Variants in KCNQ1 observed in about 807,000 individuals in gnomAD.
The protein encoded by KCNQ1 is potassium voltage-gated channel subfamily KQT member 1.
Under a neutral mutation model 72.4 loss-of-function variants are expected in KCNQ1, and 49 were observed. That is an observed-to-expected ratio of 0.68 (90% confidence interval 0.54 to 0.86). KCNQ1 has a LOEUF of 0.86. Among genes scored for constraint, KCNQ1 ranks in the 40% least tolerant of loss-of-function variants. KCNQ1 has a pLI of 0.00. For synonymous variants in KCNQ1, 450 were observed against 412.6 expected (o/e 1.09, Z -1.10); for missense variants, 790 against 945.1 (o/e 0.84, Z 2.15).
At chr11:2,631,127 G>T (rs1849345845) in intron 10 of KCNQ1, 1 of 398,418 alleles carries the variant, frequency 2.5e-6, no homozygotes, top group Non-Finnish European at 4.4e-6. Context: ...AATCTGGGAA[G>T]AGCCCCAGAT....
rs1198366230 is a variant in KCNQ1 at position 2,559,647 on chromosome 11, TC to T, written c.478-10979del. 6.6e-6 allele frequency among the ~76,000 whole-genome samples: 1 copy of T among 152,078 alleles called. No homozygotes were observed. The highest frequency in any genetic ancestry group is 2.4e-5 in the African/African-American group (1 of 41,424). On this transcript the variant is annotated intron_variant, in intron 2 of 15. Transcript: ENST00000155840. This position sits in a 1 kb window ranked among gnomAD's most constrained non-coding sequence, Gnocchi z 4.9. ...TCTCGCTCACCAGGAAGAAGACACG[TC>T]CGGGCAGCTGGCAGGTGGGGCTAGT...
chr11:2,497,467 T>C lies in KCNQ1; in HGVS notation c.387-30461T>C, dbSNP rs1011821907. 6.6e-6 allele frequency among the ~76,000 whole-genome samples: 1 copy of C among 152,188 alleles called. No individual in the cohort carries two copies. Among genetic ancestry groups the C allele is most frequent in the African/African-American group, 2.4e-5 (1 of 41,456 alleles). On this transcript the variant is annotated intron_variant, in intron 1 of 15. Transcript: ENST00000155840. The surrounding 1 kb of genome is among the most constrained non-coding windows in gnomAD (Gnocchi z 4.5). ...TCCACTTGATTCATTTGGCTATTGATACTTGTGTATGCATCACAAAGTTCT... is the reference window on the plus strand; with the variant it reads ...TCCACTTGATTCATTTGGCTATTGACACTTGTGTATGCATCACAAAGTTCT...
Position 2,660,188 on chromosome 11 carries a change from AT to A in KCNQ1, c.1394-1765del, listed in dbSNP as rs374329936. ...TTTATGGTTTTATGTTTTATTTTAG[AT>A]TTTTTTTCAGTAAGTTTGTATGTAG... On this transcript the variant is annotated intron_variant, in intron 10 of 15. Coordinates refer to ENST00000155840, the MANE Select transcript of KCNQ1 (RefSeq NM_000218.3). 9.4e-3 allele frequency: 3,724 copies of A among 397,598 alleles called. 128 individuals carry two copies. The highest frequency in any genetic ancestry group is 0.069 in the African/African-American group (3,348 of 48,452). The allele number at this position is 397,598 out of a possible 1,614,324, so 24.6% of individuals were successfully genotyped here.
rs1313323707 is a variant in KCNQ1, at chr11:2,746,415, C to CT, written c.1515-22423dup. ...CAGATTTCCTCAGTTTCCCTACTGT[C>CT]TTTTTTCTCTCCCCGGGCCCCACCC... is the stretch of plus-strand genomic sequence containing the variant. On this transcript the variant is annotated intron_variant, in intron 11 of 15. Transcript: ENST00000155840. The surrounding 1 kb of genome is among the most constrained non-coding windows in gnomAD (Gnocchi z 5.9). Among the ~76,000 whole-genome samples, 3 of 152,162 alleles carry CT rather than the reference C, an allele frequency of 2.0e-5. No homozygotes were observed. The highest frequency in any genetic ancestry group is 4.4e-5 in the Non-Finnish European group (3 of 68,028).
At chr11:2,792,033 G>T (rs1312020487) in intron 15 of KCNQ1, among the ~76,000 whole-genome samples, 1 of 152,114 alleles carries the variant, frequency 6.6e-6, no homozygotes, top group Non-Finnish European at 1.5e-5. Flanking sequence ...TGGGCTGTTT[G>T]GGTTGGCAAC....
chr11:2,759,480 C>T lies in KCNQ1; in HGVS notation c.1515-9364C>T, dbSNP rs993413921. ...GGCGCTGTGGCCACTTAGAGGGTCC[C>T]CCAAGCTCGGGCCTTTGAAGACAGC... is the stretch of plus-strand genomic sequence containing the variant. On this transcript the variant is annotated intron_variant, in intron 11 of 15. Coordinates refer to ENST00000155840, the MANE Select transcript of KCNQ1 (RefSeq NM_000218.3). This position sits in a 1 kb window ranked among gnomAD's most constrained non-coding sequence, Gnocchi z 4.4. 6.6e-6 allele frequency among the ~76,000 whole-genome samples: 1 copy of T among 152,212 alleles called. No homozygotes were observed. Among genetic ancestry groups the T allele is most frequent in the African/African-American group, 2.4e-5 (1 of 41,458 alleles).
Position 2,653,022 on chromosome 11 carries a change from C to A in KCNQ1, c.1394-8939C>A, listed in dbSNP as rs1029991140. The stretch of plus-strand genomic sequence containing the variant: ...GCTTGAGGCAAATCTATTCTGCACA[C>A]CTTTGATCCAATGTGAGATCCAACA... On this transcript the variant is annotated intron_variant, in intron 10 of 15. Coordinates refer to ENST00000155840, the MANE Select transcript of KCNQ1 (RefSeq NM_000218.3). This position sits in a 1 kb window ranked among gnomAD's most constrained non-coding sequence, Gnocchi z 5.3. 4 of 398,544 alleles carry A rather than the reference C, an allele frequency of 1.0e-5. No individual in the cohort carries two copies. The highest frequency in any genetic ancestry group is 4.4e-5 in the Admixed American group (1 of 22,720). 24.7% of individuals were successfully genotyped at this position (398,544 alleles called of 1,614,324 possible).
Position 2,826,425 on chromosome 11 carries a change from C to T in KCNQ1, c.1795-21342C>T, listed in dbSNP as rs560014658. The stretch of plus-strand genomic sequence containing the variant: ...AGGCCCAGCAGCCGCCTCTTGGCAG[C>T]GCTGATGGAAACCGCCGTGCGGTTC... On this transcript the variant is annotated intron_variant, in intron 15 of 15. Coordinates refer to ENST00000155840, the MANE Select transcript of KCNQ1 (RefSeq NM_000218.3). The surrounding 1 kb of genome is among the most constrained non-coding windows in gnomAD (Gnocchi z 4.2). Among the ~76,000 whole-genome samples, 148 of 152,354 alleles carry T rather than the reference C, an allele frequency of 9.7e-4. No individual in the cohort carries two copies. Among genetic ancestry groups the T allele is most frequent in the Middle Eastern group, 3.4e-3 (1 of 294 alleles).
At chr11:2,662,389 T>G in intron 11 of KCNQ1, 1 of 311,580 alleles carries the variant, frequency 3.2e-6, no homozygotes. Flanking sequence ...CCCCCTCCCC[T>G]GCCCCCCAAA....
chr11:2,570,198 G>A (rs1848307289), intron 2 of KCNQ1, among the ~76,000 whole-genome samples: 1 of 152,058 alleles, frequency 6.6e-6, no homozygotes, highest in African/African-American at 2.4e-5. Flanking sequence ...TCTGACCCAA[G>A]CTGGGGTTCC....
In KCNQ1 at chr11:2,700,015, C is replaced by A. The variant is rs865818932; in HGVS notation, c.1514+37934C>A. The A allele has an allele frequency of 8.3e-5, 33 of 398,108 alleles. No individual in the cohort carries two copies. The Middle Eastern group carries it at 2.5e-3, about 30-fold the overall frequency. The allele number at this position is 398,108 out of a possible 1,614,324, so 24.7% of individuals were successfully genotyped here. A position where few individuals can be genotyped will look rare whatever the true frequency, so the allele number is the denominator to read the frequency against. ...GTTCTGCCTGGAGACTGCGGCAGCG[C>A]TCCGACTGCCCCCGCCGCTGCCGAC... On this transcript the variant is annotated intron_variant, in intron 11 of 15. Coordinates refer to ENST00000155840, the MANE Select transcript of KCNQ1 (RefSeq NM_000218.3).
At chr11:2,542,848 G>A (rs117622629) in intron 2 of KCNQ1, among the ~76,000 whole-genome samples, 2 of 152,264 alleles carry the variant, frequency 1.3e-5, no homozygotes, top group East Asian at 1.9e-4. Flanking sequence ...GTGTGCTGGC[G>A]GACTCTGTAT....
chr11:2,622,919 G>A (rs953085042), intron 10 of KCNQ1: 1 of 398,512 alleles, frequency 2.5e-6, no homozygotes, highest in African/African-American at 2.1e-5. Context: ...AGGGCTCACT[G>A]TTGGGGTGTA....
intron 1 of KCNQ1, among the ~76,000 whole-genome samples, chr11:2,453,068 A>G (rs1403980269): frequency 6.6e-6 from 1 of 152,236 alleles, no homozygotes; most frequent in Admixed American, 6.5e-5. Flanking sequence ...TATGTGTTTG[A>G]CCACATAAGA....
rs1849864579 is a variant in KCNQ1 at position 2,657,144 on chromosome 11, G to A, written c.1394-4817G>A. On this transcript the variant is annotated intron_variant, in intron 10 of 15. Coordinates refer to ENST00000155840, the MANE Select transcript of KCNQ1 (RefSeq NM_000218.3). This position sits in a 1 kb window ranked among gnomAD's most constrained non-coding sequence, Gnocchi z 4.8. ...CCACTGCCTTGGAAGAAGTACTGATGTTTGGTACAGCAAGTTCTCCCACCT... is the reference window on the plus strand; with the variant it reads ...CCACTGCCTTGGAAGAAGTACTGATATTTGGTACAGCAAGTTCTCCCACCT... 5.0e-6 allele frequency: 2 copies of A among 398,502 alleles called. No individual in the cohort carries two copies. Among genetic ancestry groups the A allele is most frequent in the Non-Finnish European group, 8.8e-6 (2 of 226,064 alleles). The allele number at this position is 398,502 out of a possible 1,614,324, so 24.7% of individuals were successfully genotyped here. A position where few individuals can be genotyped will look rare whatever the true frequency, so the allele number is the denominator to read the frequency against.
intron 11 of KCNQ1, among the ~76,000 whole-genome samples, chr11:2,747,108 T>C (rs1351106084): frequency 6.6e-6 from 1 of 152,198 alleles, no homozygotes. Context: ...GAGCCCAGCC[T>C]GGCCCATGGT....
chr11:2,696,623 C>G, intron 11 of KCNQ1: 1 of 398,630 alleles, frequency 2.5e-6, no homozygotes, highest in Non-Finnish European at 4.4e-6. Context: ...TGAGTGGAGT[C>G]CTGTTGAACT....
At position 2,745,194 on chromosome 11, in the gene KCNQ1, G is replaced by C. The variant is rs564807286; in HGVS notation, c.1515-23650G>C. Among the ~76,000 whole-genome samples, 1 of 152,324 alleles carries C rather than the reference G, an allele frequency of 6.6e-6. No homozygotes were observed. The highest frequency in any genetic ancestry group is 2.1e-4 in the South Asian group (1 of 4,834). On this transcript the variant is annotated intron_variant, in intron 11 of 15. Coordinates refer to ENST00000155840, the MANE Select transcript of KCNQ1 (RefSeq NM_000218.3). This position sits in a 1 kb window ranked among gnomAD's most constrained non-coding sequence, Gnocchi z 6.2. ...CATTTCTTAAAAATTTCAACTGGAA[G>C]TTTGCTTGGGATTGCCTCGAATTTG...
intron 1 of KCNQ1, among the ~76,000 whole-genome samples, chr11:2,519,782 C>G (rs1450204914): frequency 7.7e-6 from 1 of 129,952 alleles, no homozygotes; most frequent in Admixed American, 8.3e-5. Context: ...GGCCCCCCCC[C>G]ACAACATTGG....
Sources: allele counts gnomAD v4.1 joint callset (sites outside exome capture counted in the v4.1 genomes callset), GRCh38; gene constraint gnomAD v4.1.1; non-coding constraint Gnocchi (gnomAD v3.1); transcripts MANE v1.5; gene names NCBI Gene and HGNC (gene_info 2026-07-23, HGNC 2026-07-21).